TAFA2: variants seen among roughly 807,000 people sequenced by gnomAD.
The protein encoded by TAFA2 is chemokine-like protein TAFA-2.
A neutral mutation model predicts 18.8 loss-of-function variants in TAFA2; 7 were observed. The observed-to-expected ratio is 0.37, with a 90% confidence interval of 0.21 to 0.70. TAFA2 has a LOEUF of 0.70. Among genes scored for constraint, TAFA2 ranks in the 30% least tolerant of loss-of-function variants. TAFA2 has a pLI of 0.53. For synonymous variants in TAFA2, 60 were observed against 54.2 expected (o/e 1.11, Z -0.47); for missense variants, 122 against 158.1 (o/e 0.77, Z 1.23).
chr12:61,719,714 G>A (rs1019676973), intron 4 of TAFA2, among the ~76,000 whole-genome samples: 2 of 152,154 alleles, frequency 1.3e-5, no homozygotes, highest in South Asian at 4.1e-4. Flanking sequence ...TGTTTGTGCA[G>A]CGGGCAAGAA....
At chr12:62,033,862 T>C (rs1881528889) in intron 1 of TAFA2, among the ~76,000 whole-genome samples, 1 of 152,174 alleles carries the variant, frequency 6.6e-6, no homozygotes, top group African/African-American at 2.4e-5. Context: ...TAGAACTCTT[T>C]CAACTTTGTT....
intron 1 of TAFA2, among the ~76,000 whole-genome samples, chr12:62,108,596 C>T (rs1869571802): frequency 6.6e-6 from 1 of 152,200 alleles, no homozygotes; most frequent in African/African-American, 2.4e-5. Context: ...AATTTACACT[C>T]CCACCAACAG....
chr12:62,206,533 CT>C (rs912055975), intron 1 of TAFA2, among the ~76,000 whole-genome samples: 117 of 147,048 alleles, frequency 8.0e-4, no homozygotes, highest in Non-Finnish European at 8.3e-4. Flanking sequence ...TCACTAGCAA[CT>C]TTTTTTTTTT....
chr12:61,810,425 C>G (rs545008478), intron 2 of TAFA2, among the ~76,000 whole-genome samples: 17 of 151,052 alleles, frequency 1.1e-4, no homozygotes, highest in African/African-American at 3.9e-4. Flanking sequence ...TAAATGTAGC[C>G]TTAAATAAAG....
intron 1 of TAFA2, among the ~76,000 whole-genome samples, chr12:62,045,966 A>G (rs1881896933): frequency 1.3e-5 from 2 of 152,178 alleles, no homozygotes; most frequent in Non-Finnish European, 2.9e-5. Flanking sequence ...GAACTTAAGA[A>G]TGAGAACTGT....
rs148808633 is a variant in TAFA2 at position 62,228,243 on chromosome 12, A to G, written c.-130+30520T>C. On this transcript the variant is annotated intron_variant, in intron 1 of 5. Coordinates refer to the TAFA2 transcript ENST00000551619. ...TGTTTCCATCTATGTGTCCATGTGT[A>G]CGGAATGTTTAGCTCCCACTTATAA... Among the ~76,000 whole-genome samples the G allele has an allele frequency of 3.6e-3, 554 of 152,148 alleles. 3 individuals carry two copies. The highest frequency in any genetic ancestry group is 0.01 in the Middle Eastern group (3 of 294).
intron 1 of TAFA2, among the ~76,000 whole-genome samples, chr12:61,999,064 T>G (rs1036411545): frequency 6.6e-6 from 1 of 152,228 alleles, no homozygotes; most frequent in Non-Finnish European, 1.5e-5. Flanking sequence ...AATACAAGAC[T>G]TCCTTACTAC....
intron 1 of TAFA2, among the ~76,000 whole-genome samples, chr12:61,987,613 A>G (rs1021265108): frequency 2.6e-5 from 4 of 152,268 alleles, no homozygotes; most frequent in Non-Finnish European, 1.5e-5. Context: ...AATGGTTGAC[A>G]GGTTAAAAAT....
chr12:61,900,056 G>A (rs532157709), intron 1 of TAFA2, among the ~76,000 whole-genome samples: 29 of 152,222 alleles, frequency 1.9e-4, no homozygotes, highest in African/African-American at 7.0e-4. Context: ...CATTTTCACA[G>A]TTGTATAATC....
chr12:61,976,556 T>C (rs1240451562), intron 1 of TAFA2, among the ~76,000 whole-genome samples: 2 of 152,018 alleles, frequency 1.3e-5, no homozygotes, highest in Non-Finnish European at 2.9e-5. Context: ...TTCTTTATTA[T>C]ACTTTAAGTT....
intron 1 of TAFA2, among the ~76,000 whole-genome samples, chr12:61,980,548 T>G (rs1879595721): frequency 6.6e-6 from 1 of 152,038 alleles, no homozygotes; most frequent in African/African-American, 2.4e-5. Flanking sequence ...GATTGTATAT[T>G]TAGAAAAACC....
intron 1 of TAFA2, among the ~76,000 whole-genome samples, chr12:61,975,922 GT>G (rs1009849158): frequency 6.6e-6 from 1 of 151,720 alleles, no homozygotes; most frequent in African/African-American, 2.4e-5. Flanking sequence ...CCTAGGTGAG[GT>G]GATTGATACA....
chr12:61,741,616 A>G (rs1002203551), intron 4 of TAFA2, among the ~76,000 whole-genome samples: 12 of 152,096 alleles, frequency 7.9e-5, no homozygotes, highest in African/African-American at 2.9e-4. Flanking sequence ...TGGGCCATGC[A>G]ATATTAAACT....
intron 2 of TAFA2, among the ~76,000 whole-genome samples, chr12:61,856,181 A>C (rs1344098991): frequency 2.0e-5 from 3 of 152,034 alleles, no homozygotes; most frequent in Non-Finnish European, 1.5e-5. Flanking sequence ...ACAGCTAGTA[A>C]AGAGATAAAC....
At chr12:62,251,975 CAA>C (rs1397210840) in intron 1 of TAFA2, 2 of 152,204 alleles carry the variant, frequency 1.3e-5, no homozygotes, top group Admixed American at 6.6e-5. Context: ...TTTATTTTTG[CAA>C]AAGTTTTTGA....
At chr12:62,151,925 A>G (rs2062331455) in intron 1 of TAFA2, among the ~76,000 whole-genome samples, 1 of 152,234 alleles carries the variant, frequency 6.6e-6, no homozygotes, top group Admixed American at 6.5e-5. Flanking sequence ...GAAACAAAGT[A>G]ATGTTAGCCT....
chr12:62,019,940 A>G (rs188002624), intron 1 of TAFA2, among the ~76,000 whole-genome samples: 9 of 152,180 alleles, frequency 5.9e-5, no homozygotes, highest in African/African-American at 9.6e-5. Context: ...ATTTTTATTC[A>G]ATTTTAGTTT....
rs369710807 is a variant in TAFA2 at position 62,212,502 on chromosome 12, C to T, written c.-130+46261G>A. On this transcript the variant is annotated intron_variant, in intron 1 of 5. Transcript: ENST00000551619. ...CTTTCTGCCCCCATTAGACACTTTT[C>T]GAGCTTGCAAACTATTATAGCTGAG... 4.6e-4 allele frequency among the ~76,000 whole-genome samples: 70 copies of T among 152,276 alleles called. No individual in the cohort carries two copies. In the East Asian group the frequency reaches 6.7e-3, roughly 15 times the overall value.
intron 2 of TAFA2, among the ~76,000 whole-genome samples, chr12:61,839,842 T>C (rs1267505601): frequency 6.6e-6 from 1 of 151,914 alleles, no homozygotes; most frequent in Non-Finnish European, 1.5e-5. Context: ...AATCTCTACA[T>C]GTACCCCCTG....
Sources: allele counts gnomAD v4.1 joint callset (sites outside exome capture counted in the v4.1 genomes callset), GRCh38; gene constraint gnomAD v4.1.1; transcripts MANE v1.5; gene names NCBI Gene and HGNC (gene_info 2026-07-23, HGNC 2026-07-21).